The following ZFHX3 variants were observed in gnomAD, a reference collection of about 807,000 sequenced individuals.
ZFHX3 encodes the protein zinc finger homeobox protein 3.
ZFHX3 carries 42 observed loss-of-function variants against 279.1 expected under a neutral mutation model. That is an observed-to-expected ratio of 0.15 (90% CI 0.12 to 0.19). ZFHX3 has a LOEUF of 0.19. Among genes scored for constraint, ZFHX3 ranks in the 10% least tolerant of loss-of-function variants. The probability of loss-of-function intolerance (pLI) is 1.00; values close to 1 mark genes in which losing one functional copy is unlikely to be tolerated. For synonymous variants in ZFHX3, 2,293 were observed against 1,957.8 expected (o/e 1.17, Z -4.52); for missense variants, 4,981 against 4,754.0 (o/e 1.05, Z -1.40).
chr16:73,229,635 G>T (rs946435704), intron 5 of ZFHX3, among the ~76,000 whole-genome samples: 1 of 152,040 alleles, frequency 6.6e-6, no homozygotes, highest in African/African-American at 2.4e-5. Flanking sequence ...CTCTTTTAAG[G>T]GCAGCATGGT....
rs2035914638 is a variant in ZFHX3 at position 72,796,548 on chromosome 16, G to A, written c.6134C>T (p.Pro2045Leu). 6.2e-7 allele frequency: 1 copy of A among 1,610,064 alleles called. No individual in the cohort carries two copies. Among genetic ancestry groups the A allele is most frequent in the Non-Finnish European group, 8.5e-7 (1 of 1,179,422 alleles). ...TGCCGGAAGTGGGGGTGGAGGGGGT[G>A]GAGGGGGAGGTGGTGGTGGCTCTGG... ...QTPEPPPPPP[P>L]PPPPPLPAAP... The change falls in exon 9 of 10, where the codon CCA becomes CTA. Residue 2045 changes from proline (P) to leucine (L), a missense_variant. Transcript: ENST00000268489.
rs377414876 is a variant in ZFHX3, at chr16:73,253,455, C to CTTT, written c.-1104+3589_-1104+3591dup. ...TGGTTGTATGATTTTCTTTCTTTCT[C>CTTT]TTTTTTTTTTTTTTGAGATGGAGTC... On this transcript the variant is annotated intron_variant, in intron 5 of 17. Coordinates refer to the ZFHX3 transcript ENST00000641206. 1.0e-3 allele frequency among the ~76,000 whole-genome samples: 132 copies of CTTT among 129,844 alleles called. 2 individuals carry two copies. The highest frequency in any genetic ancestry group is 2.0e-3 in the African/African-American group (66 of 32,274). 85.2% of individuals were successfully genotyped at this position (129,844 alleles called of 152,430 possible).
At chr16:73,709,418 T>C (rs1436152010) in intron 1 of ZFHX3, among the ~76,000 whole-genome samples, 3 of 151,230 alleles carry the variant, frequency 2.0e-5, no homozygotes, top group Non-Finnish European at 4.4e-5. Flanking sequence ...AGAGAAATGG[T>C]CTATATAGAC....
chr16:73,839,892 A>G (rs72803174), intron 1 of ZFHX3, among the ~76,000 whole-genome samples: 2,630 of 152,290 alleles, frequency 0.017, 45 homozygotes, highest in Middle Eastern at 0.034. Context: ...CTTGGTGTAC[A>G]CCAGGTTCTT....
At chr16:72,904,250 C>T (rs1305705005) in intron 3 of ZFHX3, among the ~76,000 whole-genome samples, 1 of 151,938 alleles carries the variant, frequency 6.6e-6, no homozygotes, top group Non-Finnish European at 1.5e-5. Flanking sequence ...CCTATAATCC[C>T]AGCTACTTGG....
At chr16:73,463,064 C>T (rs1029783694) in intron 2 of ZFHX3, among the ~76,000 whole-genome samples, 34 of 152,120 alleles carry the variant, frequency 2.2e-4, no homozygotes, top group African/African-American at 6.0e-4. Context: ...TCTTACTGCC[C>T]CAACTCCTCC....
intron 1 of ZFHX3, among the ~76,000 whole-genome samples, chr16:72,993,676 T>C (rs1963175425): frequency 6.6e-6 from 1 of 152,160 alleles, no homozygotes; most frequent in Non-Finnish European, 1.5e-5. Context: ...ATTTCCTTTA[T>C]CTGTTTTGTA....
intron 3 of ZFHX3, among the ~76,000 whole-genome samples, chr16:73,351,907 A>G (rs2016249155): frequency 6.6e-6 from 1 of 152,216 alleles, no homozygotes; most frequent in South Asian, 2.1e-4. Flanking sequence ...CTTTCAGCTG[A>G]ACATTACAAA....
chr16:73,815,685 T>A (rs1053525616), intron 1 of ZFHX3: 1 of 151,900 alleles, frequency 6.6e-6, no homozygotes, highest in Non-Finnish European at 1.5e-5. Context: ...CCTCAGCCTC[T>A]CGAGTAAGTG....
At chr16:73,232,938 A>T (rs996633192) in intron 5 of ZFHX3, 3 of 151,990 alleles carry the variant, frequency 2.0e-5, no homozygotes, top group Non-Finnish European at 4.4e-5. Context: ...TTATACTTCA[A>T]GGCAAGATGA....
At chr16:73,073,202 T>A (rs1248926424) in intron 8 of ZFHX3, among the ~76,000 whole-genome samples, 2 of 152,142 alleles carry the variant, frequency 1.3e-5, no homozygotes, top group African/African-American at 4.8e-5. Context: ...CAGCCTCCTA[T>A]TACTTAAGAC....
chr16:73,317,403 C>T (rs954026546), intron 4 of ZFHX3, among the ~76,000 whole-genome samples: 1 of 152,164 alleles, frequency 6.6e-6, no homozygotes, highest in Non-Finnish European at 1.5e-5. Flanking sequence ...TGGGCCCTTC[C>T]CCCACTCTAA....
chr16:73,230,011 TG>T (rs1455457100), intron 5 of ZFHX3, among the ~76,000 whole-genome samples: 1 of 152,072 alleles, frequency 6.6e-6, no homozygotes, highest in African/African-American at 2.4e-5. Flanking sequence ...AGCAGATAGA[TG>T]GATAATACAG....
chr16:73,061,835 T>C (rs1965687744), upstream of ZFHX3: 1 of 152,242 alleles, frequency 6.6e-6, no homozygotes, highest in Non-Finnish European at 1.5e-5. Context: ...AACTTGCAGC[T>C]TGTTTCTTAT....
chr16:72,902,607 C>T (rs1327960181), intron 3 of ZFHX3, among the ~76,000 whole-genome samples: 1 of 152,224 alleles, frequency 6.6e-6, no homozygotes, highest in Non-Finnish European at 1.5e-5. Flanking sequence ...CTTTTCCCTC[C>T]TTTTCCTGCT....
intron 2 of ZFHX3, among the ~76,000 whole-genome samples, chr16:73,484,132 C>T (rs2018929245): frequency 6.6e-6 from 1 of 151,986 alleles, no homozygotes; most frequent in South Asian, 2.1e-4. Flanking sequence ...CGCAGTTGTG[C>T]AGCAGTAAAG....
chr16:73,002,247 A>G (rs569574514), intron 1 of ZFHX3, among the ~76,000 whole-genome samples: 1 of 152,248 alleles, frequency 6.6e-6, no homozygotes, highest in African/African-American at 2.4e-5. Context: ...ACAAGCTTCT[A>G]CTTCTCTGGC....
At chr16:73,249,851 A>ACACACACACACAC (rs1567430382) in intron 5 of ZFHX3, among the ~76,000 whole-genome samples, 8 of 86,054 alleles carry the variant, frequency 9.3e-5, no homozygotes, top group African/African-American at 3.7e-4. Context: ...CACACACACA[A>ACACACACACACAC]AATTCAAAAG....
intron 3 of ZFHX3, among the ~76,000 whole-genome samples, chr16:73,365,743 C>G (rs945839654): frequency 2.0e-5 from 3 of 152,170 alleles, no homozygotes; most frequent in African/African-American, 7.2e-5. Context: ...ATAAACACAG[C>G]CTGTAGAAAG....
Sources: gnomAD v4.1 joint callset for allele counts (sites outside exome capture counted in the v4.1 genomes callset) on GRCh38, gnomAD v4.1.1 for gene constraint, MANE v1.5 for transcripts, NCBI Gene and HGNC (gene_info 2026-07-23, HGNC 2026-07-21) for gene names.